The following ARMH3 variants were observed in gnomAD, a reference collection of about 807,000 sequenced individuals.
ARMH3 encodes armadillo-like helical domain-containing protein 3.
A neutral mutation model predicts 99.1 loss-of-function variants in ARMH3; 60 were observed. The observed-to-expected ratio is 0.61, with a 90% CI of 0.49 to 0.75. ARMH3 has a LOEUF of 0.75. Among genes scored for constraint, ARMH3 ranks in the 30% least tolerant of loss-of-function variants. ARMH3 has a pLI of 0.00. For synonymous variants in ARMH3, 285 were observed against 292.8 expected (o/e 0.97, Z 0.27); for missense variants, 679 against 843.1 (o/e 0.81, Z 2.41).
Position 102,008,910 on chromosome 10 carries a change from G to A in ARMH3, c.954+464C>T, listed in dbSNP as rs530100261. Among the ~76,000 whole-genome samples, 10 of 152,028 alleles carry A rather than the reference G, an allele frequency of 6.6e-5. No homozygotes were observed. The East Asian group carries it at 1.5e-3, about 24-fold the overall frequency. Reference sequence around the variant, plus strand: ...CTTCCTTTCAATGTATGTAAACCACGTTATCTGTTAACAGCTAACCTTAAC... The same window carrying A: ...CTTCCTTTCAATGTATGTAAACCACATTATCTGTTAACAGCTAACCTTAAC... On this transcript the variant is annotated intron_variant, in intron 13 of 25. Coordinates refer to ENST00000370033, the MANE Select transcript of ARMH3 (RefSeq NM_024541.3).
chr10:102,015,353 T>C (rs878863753), intron 8 of ARMH3, among the ~76,000 whole-genome samples: 1 of 151,786 alleles, frequency 6.6e-6, no homozygotes. Context: ...TTTTTGAAGG[T>C]TCTAGTCACC....
intron 20 of ARMH3, among the ~76,000 whole-genome samples, chr10:101,970,874 G>A (rs1048271774): frequency 1.4e-4 from 21 of 151,696 alleles, no homozygotes; most frequent in African/African-American, 5.1e-4. Context: ...TTAAAAAACA[G>A]GCCCTGCCCT....
intron 24 of ARMH3, among the ~76,000 whole-genome samples, chr10:101,878,861 G>T (rs553433993): frequency 6.6e-6 from 1 of 151,688 alleles, no homozygotes; most frequent in Non-Finnish European, 1.5e-5. Context: ...AAGTCATCAC[G>T]TCCCTTTAGT....
intron 22 of ARMH3, among the ~76,000 whole-genome samples, chr10:101,953,710 C>CAA (rs950885439): frequency 6.6e-6 from 1 of 151,724 alleles, no homozygotes; most frequent in African/African-American, 2.4e-5. Context: ...ACAACAACAA[C>CAA]AAAAAAGTGG....
rs1166474378 is a variant in ARMH3, at chr10:102,027,987, TA to T, written c.414+1650del. Among the ~76,000 whole-genome samples, 3 of 150,660 alleles carry T rather than the reference TA, an allele frequency of 2.0e-5. No homozygotes were observed. In the East Asian group the frequency reaches 5.8e-4, roughly 29 times the overall value. On this transcript the variant is annotated intron_variant, in intron 5 of 25. Transcript: ENST00000370033. The stretch of plus-strand genomic sequence containing the variant: ...ATATTCAGAATACGAAAAGAACTCT[TA>T]TAACTCAACAAAAAAAGACACCCCC...
chr10:101,931,809 T>A (rs1376679035), intron 23 of ARMH3, among the ~76,000 whole-genome samples: 3 of 152,136 alleles, frequency 2.0e-5, no homozygotes, highest in Non-Finnish European at 4.4e-5. Flanking sequence ...ATAAAACTCT[T>A]AGAAGAAAAC....
chr10:102,035,427 C>T (rs1045718272), intron 2 of ARMH3, among the ~76,000 whole-genome samples: 7 of 152,198 alleles, frequency 4.6e-5, no homozygotes, highest in African/African-American at 1.7e-4. Flanking sequence ...CTCTCCCTCT[C>T]TTTCCACAGT....
At chr10:101,947,405 C>A (rs982723928) in intron 22 of ARMH3, among the ~76,000 whole-genome samples, 2 of 151,938 alleles carry the variant, frequency 1.3e-5, no homozygotes, top group African/African-American at 2.4e-5. Context: ...GAGGTTGAGG[C>A]AGGAGGATCA....
At chr10:101,908,552 C>T (rs1842730628) in intron 23 of ARMH3, among the ~76,000 whole-genome samples, 1 of 152,160 alleles carries the variant, frequency 6.6e-6, no homozygotes, top group Non-Finnish European at 1.5e-5. Context: ...AGCAAATGTC[C>T]CCCAGAGGGT....
intron 2 of ARMH3, among the ~76,000 whole-genome samples, chr10:102,036,416 G>A (rs1004272849): frequency 5.3e-5 from 8 of 150,856 alleles, no homozygotes; most frequent in African/African-American, 2.0e-4. Context: ...TGACGATGGC[G>A]GTTTTGTGGA....
chr10:101,968,880 G>GA (rs762410343), intron 20 of ARMH3, among the ~76,000 whole-genome samples: 4 of 152,172 alleles, frequency 2.6e-5, no homozygotes, highest in Non-Finnish European at 5.9e-5. Context: ...TATAGAACCA[G>GA]AAAGATACCT....
chr10:101,988,414 C>T (rs879271005), intron 19 of ARMH3, among the ~76,000 whole-genome samples: 2 of 152,156 alleles, frequency 1.3e-5, no homozygotes, highest in Non-Finnish European at 2.9e-5. Context: ...TAATGAAGTT[C>T]AGGGACCCCA....
intron 24 of ARMH3, among the ~76,000 whole-genome samples, chr10:101,865,165 G>A (rs2066970744): frequency 6.7e-6 from 1 of 150,322 alleles, no homozygotes; most frequent in African/African-American, 2.4e-5. Flanking sequence ...GCAGTGAGCT[G>A]AGATTGCGCC....
At chr10:101,967,251 C>T (rs1021822872) in intron 20 of ARMH3, among the ~76,000 whole-genome samples, 3 of 152,226 alleles carry the variant, frequency 2.0e-5, no homozygotes, top group South Asian at 2.1e-4. Flanking sequence ...TCAAAGGACA[C>T]GATGAAAATA....
chr10:101,850,052 C>T (rs984653304), intron 24 of ARMH3, among the ~76,000 whole-genome samples, 160 bp from the exon 25 acceptor site: 1 of 149,358 alleles, frequency 6.7e-6, no homozygotes, highest in Middle Eastern at 3.6e-3. Flanking sequence ...CTACAGGGAG[C>T]GATGCCTCAG....
intron 19 of ARMH3, among the ~76,000 whole-genome samples, chr10:101,988,512 T>G (rs942011063): frequency 3.3e-5 from 5 of 152,216 alleles, no homozygotes; most frequent in African/African-American, 1.2e-4. Flanking sequence ...TCAGACTTAC[T>G]TCTAAACACC....
chr10:101,952,503 T>C (rs774497449), intron 22 of ARMH3: 1 of 151,972 alleles, frequency 6.6e-6, no homozygotes, highest in South Asian at 2.1e-4. Context: ...AAAATCTAAA[T>C]AAACTTTAGA....
intron 24 of ARMH3, among the ~76,000 whole-genome samples, chr10:101,886,625 C>T (rs1306309394): frequency 6.6e-6 from 1 of 152,120 alleles, no homozygotes; most frequent in Non-Finnish European, 1.5e-5. Context: ...TGTCATTTAC[C>T]TTCTGGATGT....
chr10:102,015,472 C>T (rs1182898882), intron 8 of ARMH3, among the ~76,000 whole-genome samples: 3 of 151,096 alleles, frequency 2.0e-5, no homozygotes, highest in Non-Finnish European at 4.4e-5. Context: ...CTCACCACAA[C>T]CTCTGCCTCC....
Sources: allele counts gnomAD v4.1 joint callset (sites outside exome capture counted in the v4.1 genomes callset), GRCh38; gene constraint gnomAD v4.1.1; transcripts MANE v1.5; gene names NCBI Gene and HGNC (gene_info 2026-07-23, HGNC 2026-07-21).